Variants in CDH4 observed in about 807,000 individuals in gnomAD.
CDH4 encodes cadherin 4.
In CDH4, 33 loss-of-function variants were observed where a neutral mutation model predicts 86.0. The observed-to-expected ratio is 0.38, with a 90% CI of 0.29 to 0.51. The LOEUF is 0.51. CDH4 is among the 20% of genes least tolerant of loss of function. CDH4 has a pLI of 0.86. For synonymous variants in CDH4, 555 were observed against 549.4 expected (o/e 1.01, Z -0.14); for missense variants, 1,114 against 1,307.4 (o/e 0.85, Z 2.28).
At chr20:61,767,136 G>A (rs557196551) in intron 3 of CDH4, among the ~76,000 whole-genome samples, 1 of 152,106 alleles carries the variant, frequency 6.6e-6, no homozygotes, top group African/African-American at 2.4e-5. Flanking sequence ...GCCCGGGCCC[G>A]TGCAGGACTC....
At chr20:61,589,642 T>G (rs953356615) in intron 2 of CDH4, among the ~76,000 whole-genome samples, 1 of 152,104 alleles carries the variant, frequency 6.6e-6, no homozygotes, top group Admixed American at 6.5e-5. Flanking sequence ...TGGCAAGGAT[T>G]CATGGTTGAC....
intron 7 of CDH4, among the ~76,000 whole-genome samples, chr20:61,891,022 T>C (rs1012743666): frequency 2.0e-5 from 3 of 151,988 alleles, no homozygotes; most frequent in African/African-American, 7.3e-5. Flanking sequence ...CCAGAGACTT[T>C]AGGGGAGCTC....
Position 61,852,768 on chromosome 20 carries a change from T to C in CDH4, c.747T>C (p.Ala249=), listed in dbSNP as rs1982786011. 1 of 1,612,714 alleles carries C rather than the reference T, an allele frequency of 6.2e-7. No individual in the cohort carries two copies. Among genetic ancestry groups the C allele is most frequent in the Non-Finnish European group, 8.5e-7 (1 of 1,179,220 alleles). The change falls in exon 6 of 16, where the codon GCT becomes GCC. Residue 249 remains alanine (A), a synonymous_variant. Coordinates refer to ENST00000614565, the MANE Select transcript of CDH4 (RefSeq NM_001794.5). ...EHASYHLRAH[A]VDMNGNKVEN... Reference sequence around the variant, plus strand: ...TGCTTTTCCAGCTCCGAGCCCACGCTGTGGACATGAATGGCAACAAGGTGG... The same window carrying C: ...TGCTTTTCCAGCTCCGAGCCCACGCCGTGGACATGAATGGCAACAAGGTGG...
Position 61,773,047 on chromosome 20 carries a change from T to C in CDH4, c.441T>C (p.Pro147=), listed in dbSNP as rs765459270. The part of the protein sequence containing the change: ...KKVVALDPSP[P]PKDTLLPWPQ... ...TCGTGGCTCTGGACCCCTCTCCGCC[T>C]CCGAAGGACACCCTGCTGCCGTGGC... The change falls in exon 4 of 16, where the codon CCT becomes CCC. Residue 147 remains proline (P), a synonymous_variant. Coordinates refer to ENST00000614565, the MANE Select transcript of CDH4 (RefSeq NM_001794.5). The C allele has an allele frequency of 1.9e-6, 3 of 1,613,688 alleles. No homozygotes were observed. Among genetic ancestry groups the C allele is most frequent in the Non-Finnish European group, 2.5e-6 (3 of 1,179,802 alleles).
chr20:61,573,402 G>A (rs1034342799), intron 2 of CDH4, among the ~76,000 whole-genome samples: 2 of 152,244 alleles, frequency 1.3e-5, no homozygotes, highest in East Asian at 3.8e-4. Flanking sequence ...TGAGGTTTTT[G>A]TAGAAATGTC....
chr20:61,419,179 T>C (rs892337263), intron 2 of CDH4, among the ~76,000 whole-genome samples: 3 of 152,146 alleles, frequency 2.0e-5, no homozygotes, highest in African/African-American at 7.2e-5. Context: ...TGGGGCTCAC[T>C]GCAGACGTGT....
intron 2 of CDH4, among the ~76,000 whole-genome samples, chr20:61,320,214 A>C (rs573941395): frequency 2.6e-5 from 4 of 152,118 alleles, no homozygotes; most frequent in Non-Finnish European, 4.4e-5. Flanking sequence ...TCTCTTCCCA[A>C]GGCGTCTTAT....
chr20:61,930,840 G>A (rs1407529018), intron 13 of CDH4, among the ~76,000 whole-genome samples: 3 of 152,256 alleles, frequency 2.0e-5, no homozygotes, highest in Admixed American at 6.5e-5. Context: ...CAAAGGTGGA[G>A]GCATTCTCAC....
intron 13 of CDH4, among the ~76,000 whole-genome samples, chr20:61,932,681 A>G (rs796861153): frequency 1.8e-4 from 27 of 152,296 alleles, no homozygotes; most frequent in African/African-American, 6.3e-4. Context: ...AGACGCATGA[A>G]GCACCTACAT....
chr20:61,385,182 G>C (rs1294212100), intron 2 of CDH4, among the ~76,000 whole-genome samples: 1 of 152,116 alleles, frequency 6.6e-6, no homozygotes, highest in African/African-American at 2.4e-5. Flanking sequence ...CTGCTCCACT[G>C]AGCCACCTTC....
At chr20:61,280,642 C>T (rs2084253783) in intron 2 of CDH4, among the ~76,000 whole-genome samples, 1 of 152,196 alleles carries the variant, frequency 6.6e-6, no homozygotes, top group Admixed American at 6.5e-5. Flanking sequence ...CTTTCAGATA[C>T]ACGGACTTAT....
At chr20:61,718,104 C>T (rs569112014) in intron 2 of CDH4, 2 of 152,822 alleles carry the variant, frequency 1.3e-5, no homozygotes, top group Admixed American at 6.5e-5. Flanking sequence ...GACCTGGTCC[C>T]AGAGAAGGCA....
chr20:61,913,273 C>T (rs1362438257), intron 9 of CDH4, among the ~76,000 whole-genome samples: 2 of 152,216 alleles, frequency 1.3e-5, no homozygotes, highest in African/African-American at 4.8e-5. Flanking sequence ...AGAAGGCTGG[C>T]TCGATGTGGT....
At chr20:61,275,571 C>T (rs1404260176) in intron 2 of CDH4, among the ~76,000 whole-genome samples, 3 of 98,088 alleles carry the variant, frequency 3.1e-5, no homozygotes, top group African/African-American at 1.3e-4. Context: ...GAGTACCCTG[C>T]GCAGTTTGGG....
At chr20:61,589,311 C>G (rs989451327) in intron 2 of CDH4, among the ~76,000 whole-genome samples, 2 of 152,052 alleles carry the variant, frequency 1.3e-5, no homozygotes, top group African/African-American at 4.8e-5. Context: ...GATGTTAAAA[C>G]GAAAAAGGTT....
chr20:61,386,094 C>G (rs185328592), intron 2 of CDH4, among the ~76,000 whole-genome samples: 1 of 152,268 alleles, frequency 6.6e-6, no homozygotes, highest in Non-Finnish European at 1.5e-5. Context: ...CCTGAGCTGT[C>G]TGAGTAGTGA....
At chr20:61,662,028 G>A (rs76971172) in intron 2 of CDH4, among the ~76,000 whole-genome samples, 1 of 152,266 alleles carries the variant, frequency 6.6e-6, no homozygotes, top group East Asian at 1.9e-4. Flanking sequence ...AACCCCAGGT[G>A]TGTTGGAATG....
chr20:61,292,897 G>T (rs566071381), intron 2 of CDH4, among the ~76,000 whole-genome samples: 2 of 152,360 alleles, frequency 1.3e-5, no homozygotes, highest in East Asian at 3.9e-4. Context: ...AGGTGCCTCT[G>T]TGCCCTAGGA....
chr20:61,314,570 T>C (rs2084466106), intron 2 of CDH4, among the ~76,000 whole-genome samples: 1 of 152,228 alleles, frequency 6.6e-6, no homozygotes, highest in Non-Finnish European at 1.5e-5. Context: ...AAGAATGTGC[T>C]GCAATGAACT....
Sources: gnomAD v4.1 joint callset for allele counts (sites outside exome capture counted in the v4.1 genomes callset) on GRCh38, gnomAD v4.1.1 for gene constraint, MANE v1.5 for transcripts, NCBI Gene and HGNC (gene_info 2026-07-23, HGNC 2026-07-21) for gene names.